The following TANC1 variants were observed in gnomAD, a reference collection of about 807,000 sequenced individuals.
The protein encoded by TANC1 is tetratricopeptide repeat, ankyrin repeat and coiled-coil containing 1.
Under a neutral mutation model 149.7 loss-of-function variants are expected in TANC1, and 77 were observed. The observed-to-expected ratio is 0.51, with a 90% CI of 0.43 to 0.62. The LOEUF (loss-of-function observed/expected upper bound fraction) is 0.62. Among genes scored for constraint, TANC1 ranks in the 20% least tolerant of loss-of-function variants. The probability of loss-of-function intolerance (pLI) is 0.00; values close to 1 mark genes in which losing one functional copy is unlikely to be tolerated. For synonymous variants in TANC1, 854 were observed against 925.0 expected (o/e 0.92, Z 1.39); for missense variants, 1,985 against 2,321.8 (o/e 0.85, Z 2.98).
intron 2 of TANC1, among the ~76,000 whole-genome samples, chr2:159,003,291 A>G (rs1012846550): frequency 6.6e-5 from 10 of 152,224 alleles, no homozygotes; most frequent in African/African-American, 2.4e-4. Flanking sequence ...AAACAGGACT[A>G]AGGTAATGTT....
intron 23 of TANC1, 39 bp from the exon 24 acceptor site, chr2:159,225,649 G>A: frequency 6.5e-7 from 1 of 1,544,530 alleles, no homozygotes; most frequent in Admixed American, 1.7e-5. Context: ...CTTTCCGCAG[G>A]GCCTCTGAAG....
intron 2 of TANC1, among the ~76,000 whole-genome samples, chr2:159,028,996 T>C (rs551403611): frequency 6.6e-6 from 1 of 152,260 alleles, no homozygotes; most frequent in East Asian, 1.9e-4. Context: ...CCTCAAGTGG[T>C]CCTCCCAAGT....
At chr2:159,097,917 T>A in intron 4 of TANC1, 83 bp downstream of exon 4, 7 of 1,154,026 alleles carry the variant, frequency 6.1e-6, no homozygotes, top group African/African-American at 1.5e-5. Flanking sequence ...CCATGAGAAA[T>A]CTTCTGGGAC....
At chr2:159,191,695 A>G (rs908524676) in intron 16 of TANC1, among the ~76,000 whole-genome samples, 1 of 152,134 alleles carries the variant, frequency 6.6e-6, no homozygotes, top group African/African-American at 2.4e-5. Context: ...TGGTTTCACT[A>G]CTTGGTAGTA....
intron 19 of TANC1, among the ~76,000 whole-genome samples, chr2:159,206,113 G>C (rs191786010): frequency 6.6e-6 from 1 of 152,352 alleles, no homozygotes; most frequent in East Asian, 1.9e-4. Flanking sequence ...GCAACACGAT[G>C]GGGAGTAAGC....
intron 2 of TANC1, among the ~76,000 whole-genome samples, chr2:159,048,761 C>A (rs555194708): frequency 5.3e-5 from 8 of 152,136 alleles, no homozygotes; most frequent in Non-Finnish European, 1.0e-4. Context: ...TCATACAGAA[C>A]CTTTTTGGGT....
chr2:159,035,983 A>ATGCTGTGAGAGTGGGCG (rs2040159945), intron 2 of TANC1, among the ~76,000 whole-genome samples: 1 of 152,318 alleles, frequency 6.6e-6, no homozygotes, highest in Admixed American at 6.5e-5. Context: ...GAGAGCGGGC[A>ATGCTGTGAGAGTGGGCG]TGCTGTGAGA....
At chr2:159,094,329 C>T (rs2045858333) in intron 3 of TANC1, among the ~76,000 whole-genome samples, 1 of 152,328 alleles carries the variant, frequency 6.6e-6, no homozygotes, top group South Asian at 2.1e-4. Flanking sequence ...ATGTAATGTT[C>T]TGGGGCTGTG....
chr2:159,082,877 G>A (rs1234299180), intron 3 of TANC1, among the ~76,000 whole-genome samples: 1 of 152,178 alleles, frequency 6.6e-6, no homozygotes, highest in African/African-American at 2.4e-5. Context: ...CTAGGCCCTT[G>A]TGACTCAAAT....
Position 159,202,060 on chromosome 2 carries a change from A to G in TANC1, c.3244+3007A>G, listed in dbSNP as rs185631995. On this transcript the variant is annotated intron_variant, in intron 19 of 26. Transcript: ENST00000263635. ...TTGCAATTCAGTGAATCTATTCCAC[A>G]TGGCAGAAGTGTGGTTGTCGTGCCT... 1.4e-4 allele frequency among the ~76,000 whole-genome samples: 22 copies of G among 152,348 alleles called. No individual in the cohort carries two copies. The East Asian group carries it at 4.3e-3, about 29-fold the overall frequency.
chr2:159,045,988 T>C (rs1265348042), intron 2 of TANC1, among the ~76,000 whole-genome samples: 2 of 152,258 alleles, frequency 1.3e-5, no homozygotes, highest in Non-Finnish European at 2.9e-5. Context: ...ATTTGCGTAT[T>C]GAAACCAAGC....
intron 3 of TANC1, among the ~76,000 whole-genome samples, chr2:159,097,292 C>G (rs2046241020): frequency 6.6e-6 from 1 of 152,170 alleles, no homozygotes; most frequent in Admixed American, 6.5e-5. Flanking sequence ...GGCTAGTAAG[C>G]CCTCTCCTTT....
In TANC1 at chr2:159,230,844, C is replaced by T; in HGVS notation, c.5418C>T (p.Ser1806=). ...NGAQVKELEE[S]KCQIPVHSQE... ...CACAAGTGAAGGAGCTAGAAGAAAGCAAGTGCCAAATTCCAGTCCACTCTC... is the reference window on the plus strand; with the variant it reads ...CACAAGTGAAGGAGCTAGAAGAAAGTAAGTGCCAAATTCCAGTCCACTCTC... The change falls in exon 27 of 27, where the codon AGC becomes AGT. Residue 1806 remains serine, a synonymous_variant. Coordinates refer to ENST00000263635, the MANE Select transcript of TANC1 (RefSeq NM_033394.3). This position sits in a 1 kb window ranked among gnomAD's most constrained non-coding sequence, Gnocchi z 4.4. 6.2e-7 allele frequency: 1 copy of T among 1,614,214 alleles called. No homozygotes were observed. The highest frequency in any genetic ancestry group is 8.5e-7 in the Non-Finnish European group (1 of 1,180,044).
At position 159,150,423 on chromosome 2, in the gene TANC1, C is replaced by T. The variant is rs781683487; in HGVS notation, c.549C>T (p.Thr183=). The change falls in exon 7 of 27, where the codon ACC becomes ACT. Residue 183 remains threonine, a synonymous_variant. Transcript: ENST00000263635. ...ISPCSTLTSS[T]ASPSTDSPCS... ...CTTGCTCCACACTAACAAGCAGCACCGCATCTCCTAGCACCGATAGCCCCT... is the reference window on the plus strand; with the variant it reads ...CTTGCTCCACACTAACAAGCAGCACTGCATCTCCTAGCACCGATAGCCCCT... 4 of 1,614,120 alleles carry T rather than the reference C, an allele frequency of 2.5e-6. No individual in the cohort carries two copies. The highest frequency in any genetic ancestry group is 1.7e-5 in the Admixed American group (1 of 60,020).
At chr2:159,159,360 G>A (rs2150374585) in intron 7 of TANC1, among the ~76,000 whole-genome samples, 1 of 151,200 alleles carries the variant, frequency 6.6e-6, no homozygotes, top group Non-Finnish European at 1.5e-5. Flanking sequence ...GATCGCTTGA[G>A]CCTTGGAAGT....
intron 1 of TANC1, among the ~76,000 whole-genome samples, chr2:158,982,773 AATTTTTTT>A (rs1241586955): frequency 6.6e-6 from 1 of 151,950 alleles, no homozygotes; most frequent in African/African-American, 2.4e-5. Context: ...ATGCCTGACT[AATTTTTTT>A]ATTTTTTTAT....
At chr2:159,052,748 A>G (rs62172860) in intron 2 of TANC1, among the ~76,000 whole-genome samples, 4,167 of 152,356 alleles carry the variant, frequency 0.027, 104 homozygotes, top group African/African-American at 0.062. Context: ...TGTAAGATCA[A>G]CAGGACATGT....
At chr2:159,123,875 C>T (rs369178409) in intron 4 of TANC1, among the ~76,000 whole-genome samples, 5 of 152,258 alleles carry the variant, frequency 3.3e-5, no homozygotes, top group South Asian at 2.1e-4. Context: ...CATTCAGTGA[C>T]GCCAGTCTCC....
intron 2 of TANC1, among the ~76,000 whole-genome samples, chr2:159,035,978 C>T (rs1052091091): frequency 3.3e-5 from 5 of 152,158 alleles, no homozygotes; most frequent in Admixed American, 6.6e-5. Flanking sequence ...GGTCTGAGAG[C>T]GGGCATGCTG....
Sources: gnomAD v4.1 joint callset for allele counts (sites outside exome capture counted in the v4.1 genomes callset) on GRCh38, gnomAD v4.1.1 for gene constraint, Gnocchi (gnomAD v3.1) non-coding constraint, MANE v1.5 for transcripts, NCBI Gene and HGNC (gene_info 2026-07-23, HGNC 2026-07-21) for gene names.